NCOA7: variants seen among roughly 807,000 people sequenced by gnomAD.
The protein encoded by NCOA7 is nuclear receptor coactivator 7.
NCOA7 carries 45 observed loss-of-function variants against 104.3 expected under a neutral mutation model. That is an observed-to-expected ratio of 0.43 (90% CI 0.34 to 0.55). The LOEUF (loss-of-function observed/expected upper bound fraction) is 0.55. Among genes scored for constraint, NCOA7 ranks in the 20% least tolerant of loss-of-function variants. The pLI, the probability that NCOA7 is intolerant of heterozygous loss-of-function variation, is 0.02. For synonymous variants in NCOA7, 398 were observed against 402.3 expected (o/e 0.99, Z 0.13); for missense variants, 1,041 against 1,119.7 (o/e 0.93, Z 1.00).
At chr6:125,793,376 A>G (rs1240364084) in intron 1 of NCOA7, among the ~76,000 whole-genome samples, 1 of 152,182 alleles carries the variant, frequency 6.6e-6, no homozygotes, top group Non-Finnish European at 1.5e-5. Flanking sequence ...TTCATTTTAC[A>G]AGTAGGAGTT....
intron 1 of NCOA7, among the ~76,000 whole-genome samples, chr6:125,804,607 A>G (rs1274951353): frequency 6.6e-6 from 1 of 152,190 alleles, no homozygotes; most frequent in Non-Finnish European, 1.5e-5. Flanking sequence ...CAGGTAGAAA[A>G]CTTCAAAACT....
intron 1 of NCOA7, chr6:125,810,067 G>C (rs1342198179): frequency 6.6e-6 from 1 of 152,254 alleles, no homozygotes; most frequent in African/African-American, 2.4e-5. Flanking sequence ...AACCTTTGGA[G>C]CCAGAAAGCA....
chr6:125,796,280 A>C (rs1220412921), intron 1 of NCOA7, among the ~76,000 whole-genome samples: 1 of 151,744 alleles, frequency 6.6e-6, no homozygotes, highest in Non-Finnish European at 1.5e-5. Flanking sequence ...AGATTGATAA[A>C]AAAAAATTAG....
intron 2 of NCOA7, among the ~76,000 whole-genome samples, chr6:125,833,773 A>C (rs1779385630): frequency 6.6e-6 from 1 of 152,120 alleles, no homozygotes; most frequent in East Asian, 1.9e-4. Context: ...AAAAGGAGTC[A>C]GGTTGCTTAG....
In NCOA7 at chr6:125,889,947, G is replaced by T. The variant is rs201895596; in HGVS notation, c.1893G>T (p.Leu631Phe). 11 of 1,560,402 alleles carry T rather than the reference G, an allele frequency of 7.0e-6. No homozygotes were observed. The highest frequency in any genetic ancestry group is 2.3e-5 in the East Asian group (1 of 44,386). ...TGGATAATAAATCTGAAGTTCAGTT[G>T]TGGCTGTTAAAGAGAATTCAGGTAC... is the stretch of plus-strand genomic sequence containing the variant. ...AQMDNKSEVQ[L>F]WLLKRIQVPI... Residue 631 changes from leucine (L) to phenylalanine (F), a missense_variant, in exon 9 of 16, where the codon TTG becomes TTT. Leu to Phe is a conservative substitution (Grantham distance 22, BLOSUM62 0). This residue lies in a region of NCOA7 where 914 missense variants were observed against 942.7 expected (regional missense o/e 0.97). Transcript: ENST00000392477.
At chr6:125,825,162 AC>A (rs1214838807) in intron 2 of NCOA7, among the ~76,000 whole-genome samples, 1 of 125,928 alleles carries the variant, frequency 7.9e-6, no homozygotes, top group Non-Finnish European at 1.6e-5. Context: ...ACATGGTGAG[AC>A]CCTGTCTCTA....
chr6:125,801,516 G>A (rs1222694575), intron 1 of NCOA7, among the ~76,000 whole-genome samples: 3 of 152,158 alleles, frequency 2.0e-5, no homozygotes, highest in Non-Finnish European at 1.5e-5. Context: ...TCTTAGGGGA[G>A]CCATGACAAA....
chr6:125,799,517 G>A (rs1775684202), intron 1 of NCOA7, among the ~76,000 whole-genome samples: 1 of 150,366 alleles, frequency 6.7e-6, no homozygotes, highest in African/African-American at 2.5e-5. Flanking sequence ...TCGGCTCACT[G>A]CAACCTCCGC....
intron 2 of NCOA7, among the ~76,000 whole-genome samples, chr6:125,823,236 C>A (rs1463990574): frequency 1.3e-5 from 2 of 152,112 alleles, no homozygotes. Context: ...TTTCAAGGGG[C>A]CTATTCAATA....
At chr6:125,853,568 C>G (rs7763515) in intron 2 of NCOA7, among the ~76,000 whole-genome samples, 81,840 of 152,022 alleles carry the variant, frequency 0.54, 22,329 homozygotes, top group East Asian at 0.73. Flanking sequence ...ATCTAAGAAC[C>G]TGGCTGCTCA....
At chr6:125,805,887 G>C (rs972884566) in intron 1 of NCOA7, among the ~76,000 whole-genome samples, 4 of 152,138 alleles carry the variant, frequency 2.6e-5, no homozygotes, top group Admixed American at 2.0e-4. Flanking sequence ...GTTCCATGGG[G>C]CACCAGATTC....
At chr6:125,813,173 A>T (rs1777218082) in intron 1 of NCOA7, among the ~76,000 whole-genome samples, 1 of 152,080 alleles carries the variant, frequency 6.6e-6, no homozygotes, top group South Asian at 2.1e-4. Flanking sequence ...ACCAGCTCTG[A>T]TGGATTTGGT....
intron 1 of NCOA7, among the ~76,000 whole-genome samples, chr6:125,807,099 G>A (rs2128559971): frequency 6.6e-6 from 1 of 152,152 alleles, no homozygotes; most frequent in East Asian, 1.9e-4. Flanking sequence ...TCCTTATACT[G>A]AGCCACCGAC....
At chr6:125,863,973 T>C (rs1469293149) in intron 3 of NCOA7, among the ~76,000 whole-genome samples, 4 of 137,810 alleles carry the variant, frequency 2.9e-5, no homozygotes, top group Non-Finnish European at 4.6e-5. Flanking sequence ...AACATTAAAA[T>C]CTTAGCAAAT....
chr6:125,857,086 C>A (rs182053273), intron 3 of NCOA7, among the ~76,000 whole-genome samples: 1 of 152,288 alleles, frequency 6.6e-6, no homozygotes, highest in Admixed American at 6.5e-5. Flanking sequence ...TGTTTTTAAT[C>A]TCAAGCTATT....
At chr6:125,898,587 C>G (rs1785237715) in intron 10 of NCOA7, among the ~76,000 whole-genome samples, 1 of 152,098 alleles carries the variant, frequency 6.6e-6, no homozygotes, top group Non-Finnish European at 1.5e-5. Flanking sequence ...TTCTTAAAAC[C>G]TATTTTGTAC....
chr6:125,890,674 A>G lies in NCOA7; in HGVS notation c.1960A>G (p.Thr654Ala). ...TCCTTCAAAAGAAGAAAAAAGCAAG[A>G]CCCCACCCATGTTCCTGTGCATCAA... ...ILPSKEEKSKTPPMFLCIKVG... is the reference protein window; with the variant it reads ...ILPSKEEKSKAPPMFLCIKVG... Residue 654 changes from threonine (T) to alanine (A), a missense_variant, in exon 10 of 16, where the codon ACC becomes GCC. By Grantham distance (58) the Thr-to-Ala change is moderately conservative (BLOSUM62 0). Around this residue, in one of 2 missense-constraint regions of NCOA7, gnomAD observed 914 missense variants for 942.7 expected, o/e 0.97. Transcript: ENST00000392477. 6.2e-7 allele frequency: 1 copy of G among 1,613,336 alleles called. No homozygotes were observed. Among genetic ancestry groups the G allele is most frequent in the Non-Finnish European group, 8.5e-7 (1 of 1,179,714 alleles).
intron 3 of NCOA7, among the ~76,000 whole-genome samples, chr6:125,869,590 G>C (rs1170001919): frequency 6.6e-6 from 1 of 152,184 alleles, no homozygotes. Context: ...GGCTATCAAC[G>C]TGGCCCAGTG....
chr6:125,811,842 C>T (rs147104099), intron 1 of NCOA7, among the ~76,000 whole-genome samples: 1 of 152,288 alleles, frequency 6.6e-6, no homozygotes, highest in Non-Finnish European at 1.5e-5. Flanking sequence ...TGGCTAGGTA[C>T]ATGTGCCTTA....
Sources: allele counts gnomAD v4.1 joint callset (sites outside exome capture counted in the v4.1 genomes callset), GRCh38; gene constraint gnomAD v4.1.1; regional missense constraint gnomAD v4.1.1; transcripts MANE v1.5; gene names NCBI Gene and HGNC (gene_info 2026-07-23, HGNC 2026-07-21).